The following UNC13C variants were observed in gnomAD, a reference collection of about 807,000 sequenced individuals.
The protein encoded by UNC13C is unc-13 homolog C, also known as protein unc-13 homolog C.
A neutral mutation model predicts 245.4 loss-of-function variants in UNC13C; 174 were observed. That is an observed-to-expected ratio of 0.71 (90% CI 0.63 to 0.80). The LOEUF (loss-of-function observed/expected upper bound fraction) is 0.80, where lower values mean the gene tolerates loss of function less well. Ranked by LOEUF, UNC13C falls within the 30% of genes least tolerant of loss-of-function variation. The pLI is 0.00. For missense variants in UNC13C, 2,829 were observed against 2,602.9 expected (o/e 1.09, Z -1.89); for synonymous variants, 992 against 895.1 (o/e 1.11, Z -1.93).
At chr15:53,945,966 C>T in the UNC13C span, among the ~76,000 whole-genome samples, 1 of 152,040 alleles carries the variant, frequency 6.6e-6, no homozygotes, top group Admixed American at 6.6e-5. Flanking sequence ...CTTTCACCTC[C>T]CTGGTTAGCT....
rs779601702 is a variant in UNC13C, at chr15:54,525,629, T to C, written c.5538T>C (p.Tyr1846=). The part of the protein sequence containing the change: ...SGVLDELSVT[Y]GESFQVIIEE... ...TCCTGGATGAGCTCAGCGTCACTTA[T>C]GGTGAAAGGTAAGTGGCCTCTGTTG... Residue 1846 remains tyrosine (Y), a synonymous_variant, in exon 25 of 33, where the codon TAT becomes TAC. Transcript: ENST00000260323. 19 of 1,611,538 alleles carry C rather than the reference T, an allele frequency of 1.2e-5. No individual in the cohort carries two copies. Among genetic ancestry groups the C allele is most frequent in the Non-Finnish European group, 1.5e-5 (18 of 1,178,786 alleles).
chr15:54,445,743 G>A (rs567878359), intron 19 of UNC13C, among the ~76,000 whole-genome samples: 1 of 152,100 alleles, frequency 6.6e-6, no homozygotes, highest in Admixed American at 6.5e-5. Context: ...TCTGTAGGTT[G>A]CCTGTTCACT....
intron 8 of UNC13C, 52 bp downstream of exon 8, chr15:54,250,496 A>T (rs374663656): frequency 1.3e-6 from 2 of 1,497,064 alleles, no homozygotes; most frequent in Non-Finnish European, 1.8e-6. Flanking sequence ...GCCTTATTCC[A>T]TCTGTTTCAT....
chr15:54,214,439 T>C (rs187106050), intron 4 of UNC13C, among the ~76,000 whole-genome samples: 3 of 152,060 alleles, frequency 2.0e-5, no homozygotes, highest in East Asian at 1.9e-4. Flanking sequence ...TGTGAAACTA[T>C]ATAAGAGGAT....
At chr15:54,254,425 C>T (rs1392694205) in intron 8 of UNC13C, among the ~76,000 whole-genome samples, 1 of 152,242 alleles carries the variant, frequency 6.6e-6, no homozygotes, top group South Asian at 2.1e-4. Flanking sequence ...GTAATGAGTA[C>T]TCAGGAAACT....
intron 17 of UNC13C, among the ~76,000 whole-genome samples, chr15:54,375,903 GC>G (rs2039596974): frequency 6.6e-6 from 1 of 152,126 alleles, no homozygotes; most frequent in Non-Finnish European, 1.5e-5. Context: ...TTTTAAAGCT[GC>G]CAAAATTGTA....
chr15:53,849,313 C>G, the UNC13C span, among the ~76,000 whole-genome samples: 33 of 151,782 alleles, frequency 2.2e-4, no homozygotes, highest in Admixed American at 2.0e-3. Flanking sequence ...TTGGAGCAAG[C>G]AATTTTTATA....
At chr15:54,169,272 A>ATCTGATGGCTATACGTTTACATTTC (rs1410567416) in intron 4 of UNC13C, among the ~76,000 whole-genome samples, 1 of 152,242 alleles carries the variant, frequency 6.6e-6, no homozygotes, top group African/African-American at 2.4e-5. Context: ...ATAGAAATGC[A>ATCTGATGGCTATACGTTTACATTTC]TCTGATGGCT....
At chr15:54,165,898 A>C (rs926578441) in intron 4 of UNC13C, among the ~76,000 whole-genome samples, 1 of 151,706 alleles carries the variant, frequency 6.6e-6, no homozygotes, top group African/African-American at 2.4e-5. Context: ...GTCAAAATGC[A>C]TCTCATTTTT....
At chr15:53,865,637 A>G in the UNC13C span, among the ~76,000 whole-genome samples, 2 of 152,132 alleles carry the variant, frequency 1.3e-5, no homozygotes, top group East Asian at 1.9e-4. Flanking sequence ...AATTTAGCCC[A>G]TAACAGTGAC....
At position 54,183,823 on chromosome 15, in the gene UNC13C, G is replaced by A. The variant is rs573131207; in HGVS notation, c.3071+40139G>A. 4.7e-5 allele frequency among the ~76,000 whole-genome samples: 7 copies of A among 150,534 alleles called. No homozygotes were observed. The East Asian group carries it at 1.4e-3, about 29-fold the overall frequency. On this transcript the variant is annotated intron_variant, in intron 4 of 32. Transcript: ENST00000260323. ...GTATTAAGTAATAGAATAAGGCTAA[G>A]TCTCAAACTGAGCAGTGGCACAGGG...
rs547045428 is a variant in UNC13C at position 54,033,748 on chromosome 15, A to G, written c.2983+17862A>G. Reference sequence around the variant, plus strand: ...TTTTTAAATGTTAGGACAGCACATGATATGGTGAGAGAGGGATCTAGCACC... The same window carrying G: ...TTTTTAAATGTTAGGACAGCACATGGTATGGTGAGAGAGGGATCTAGCACC... On this transcript the variant is annotated intron_variant, in intron 2 of 32. Transcript: ENST00000260323. 1.1e-4 allele frequency among the ~76,000 whole-genome samples: 16 copies of G among 152,276 alleles called. No homozygotes were observed. In the South Asian group the frequency reaches 3.3e-3, roughly 32 times the overall value.
intron 2 of UNC13C, among the ~76,000 whole-genome samples, chr15:54,060,658 C>A (rs1897776896): frequency 6.6e-6 from 1 of 151,940 alleles, no homozygotes; most frequent in Admixed American, 6.6e-5. Flanking sequence ...GCTATAAAGA[C>A]ACATGCACAC....
At chr15:54,564,332 A>T (rs1897416717) in intron 29 of UNC13C, among the ~76,000 whole-genome samples, 1 of 152,040 alleles carries the variant, frequency 6.6e-6, no homozygotes, top group Admixed American at 6.6e-5. Context: ...AAAAAGAGGA[A>T]GTCAGTTGAG....
chr15:54,476,923 A>T (rs1892779405), intron 19 of UNC13C, among the ~76,000 whole-genome samples: 1 of 149,874 alleles, frequency 6.7e-6, no homozygotes, highest in South Asian at 2.2e-4. Flanking sequence ...CATGATATTG[A>T]TTCTTCCTAC....
intron 2 of UNC13C, among the ~76,000 whole-genome samples, chr15:54,122,363 A>G (rs1195458653): frequency 6.6e-6 from 1 of 152,082 alleles, no homozygotes; most frequent in African/African-American, 2.4e-5. Context: ...AGTTGTGAAT[A>G]AATGTTTAAT....
the UNC13C span, among the ~76,000 whole-genome samples, chr15:53,883,061 G>T: frequency 5.4e-3 from 825 of 152,028 alleles, 7 homozygotes; most frequent in Non-Finnish European, 6.7e-3. Context: ...TAAAAAAAAA[G>T]TTAAAGGAAA....
At chr15:54,135,875 A>C (rs10851556) in intron 2 of UNC13C, among the ~76,000 whole-genome samples, 1 of 151,894 alleles carries the variant, frequency 6.6e-6, no homozygotes, top group Non-Finnish European at 1.5e-5. Context: ...TTGACTCTGT[A>C]AGCCTTTGAA....
At chr15:54,374,498 G>A (rs115883168) in intron 17 of UNC13C, among the ~76,000 whole-genome samples, 35 of 152,340 alleles carry the variant, frequency 2.3e-4, no homozygotes, top group African/African-American at 8.2e-4. Flanking sequence ...CCTCTGGGTT[G>A]TGACAGTGCC....
Sources: gnomAD v4.1 joint callset for allele counts (sites outside exome capture counted in the v4.1 genomes callset) on GRCh38, gnomAD v4.1.1 for gene constraint, MANE v1.5 for transcripts, NCBI Gene and HGNC (gene_info 2026-07-23, HGNC 2026-07-21) for gene names.